The following PLCB1 variants were observed in gnomAD, a reference collection of about 807,000 sequenced individuals.
PLCB1 encodes 1-phosphatidylinositol 4,5-bisphosphate phosphodiesterase beta-1.
A neutral mutation model predicts 161.8 loss-of-function variants in PLCB1; 46 were observed. The ratio of observed to expected loss-of-function variants is 0.28; its 90% confidence interval spans 0.22 to 0.36. The LOEUF is 0.36. PLCB1 is among the 10% of genes least tolerant of loss of function. The pLI is 1.00. For synonymous variants in PLCB1, 517 were observed against 503.7 expected, an observed-to-expected ratio of 1.03 and a Z score of -0.35; for missense variants, 1,016 against 1,472.5, an observed-to-expected ratio of 0.69 and a Z score of 5.07.
intron 31 of PLCB1, among the ~76,000 whole-genome samples, chr20:8,871,231 G>C (rs1229197036): frequency 6.6e-6 from 1 of 152,178 alleles, no homozygotes; most frequent in Non-Finnish European, 1.5e-5. Flanking sequence ...ATTCAAAGTT[G>C]AGATTCATGT....
At chr20:8,633,312 G>T (rs1379091017) in intron 4 of PLCB1, among the ~76,000 whole-genome samples, 1 of 152,058 alleles carries the variant, frequency 6.6e-6, no homozygotes, top group Non-Finnish European at 1.5e-5. Context: ...ATAATTTTTT[G>T]TTTAGAAGTA....
intron 2 of PLCB1, among the ~76,000 whole-genome samples, chr20:8,183,204 C>T (rs760951610): frequency 6.6e-6 from 1 of 152,154 alleles, no homozygotes; most frequent in Non-Finnish European, 1.5e-5. Context: ...GGCTATCTTT[C>T]CTTCAGGGTT....
chr20:8,337,400 T>C (rs1985622166), intron 2 of PLCB1, among the ~76,000 whole-genome samples: 1 of 152,234 alleles, frequency 6.6e-6, no homozygotes, highest in East Asian at 1.9e-4. Context: ...CAAAATAAGA[T>C]GTCACCTTAT....
chr20:8,141,425 A>ACCAG (rs1389321802), intron 1 of PLCB1, among the ~76,000 whole-genome samples: 1 of 151,778 alleles, frequency 6.6e-6, no homozygotes, highest in Non-Finnish European at 1.5e-5. Context: ...GGAGTTCAAG[A>ACCAG]CCAGCCTGGC....
chr20:8,469,030 T>G (rs1484370690), intron 3 of PLCB1, among the ~76,000 whole-genome samples: 1 of 152,146 alleles, frequency 6.6e-6, no homozygotes, highest in Non-Finnish European at 1.5e-5. Context: ...AGGTGGGTCC[T>G]GAGATTGCTG....
chr20:8,367,430 CTG>C (rs1158665915), intron 2 of PLCB1, among the ~76,000 whole-genome samples: 3 of 152,138 alleles, frequency 2.0e-5, no homozygotes, highest in Non-Finnish European at 4.4e-5. Context: ...CGGAGCAAAT[CTG>C]TATTTTACTA....
intron 2 of PLCB1, among the ~76,000 whole-genome samples, chr20:8,222,470 T>C (rs1167361113): frequency 6.6e-6 from 1 of 152,182 alleles, no homozygotes; most frequent in East Asian, 1.9e-4. Context: ...GTCTAAGTAA[T>C]ATTTTGTATT....
intron 2 of PLCB1, among the ~76,000 whole-genome samples, chr20:8,355,897 A>AAT (rs971488084): frequency 2.9e-4 from 44 of 152,334 alleles, no homozygotes; most frequent in Admixed American, 2.7e-3. Context: ...GGATTAAAGT[A>AAT]ATATTAAAGA....
At chr20:8,303,530 A>T (rs1983999578) in intron 2 of PLCB1, among the ~76,000 whole-genome samples, 1 of 152,170 alleles carries the variant, frequency 6.6e-6, no homozygotes, top group African/African-American at 2.4e-5. Flanking sequence ...TTTTTTGTAC[A>T]TAGAGCATTA....
At chr20:8,154,086 G>C (rs1018145197) in intron 2 of PLCB1, among the ~76,000 whole-genome samples, 2 of 152,058 alleles carry the variant, frequency 1.3e-5, no homozygotes, top group African/African-American at 4.8e-5. Flanking sequence ...TTGTGCATGT[G>C]TAACTATGGA....
chr20:8,232,225 AAGAG>A (rs35927160), intron 2 of PLCB1, among the ~76,000 whole-genome samples: 15,671 of 148,402 alleles, frequency 0.11, 1,551 homozygotes, highest in East Asian at 0.53. Flanking sequence ...CTCTTTAAAA[AAGAG>A]AGAGAGAGAG....
At chr20:8,370,925 G>A (rs547780412) in intron 2 of PLCB1, among the ~76,000 whole-genome samples, 1 of 152,304 alleles carries the variant, frequency 6.6e-6, no homozygotes, top group South Asian at 2.1e-4. Context: ...AAGGCTGGGG[G>A]CTGTCAGAGG....
At chr20:8,562,053 G>A (rs1171044612) in intron 3 of PLCB1, among the ~76,000 whole-genome samples, 1 of 151,932 alleles carries the variant, frequency 6.6e-6, no homozygotes, top group Non-Finnish European at 1.5e-5. Context: ...ATAGAGAAGA[G>A]CAAACGGTCT....
chr20:8,401,798 T>C (rs1233844906), intron 3 of PLCB1, among the ~76,000 whole-genome samples: 2 of 152,216 alleles, frequency 1.3e-5, no homozygotes, highest in Non-Finnish European at 2.9e-5. Flanking sequence ...CTTCTGCTTA[T>C]TGACCATGTC....
At chr20:8,453,937 C>G (rs1981182628) in intron 3 of PLCB1, among the ~76,000 whole-genome samples, 1 of 152,140 alleles carries the variant, frequency 6.6e-6, no homozygotes, top group African/African-American at 2.4e-5. Flanking sequence ...AGGGTGGGCT[C>G]TGATCCCATG....
At chr20:8,193,936 A>G (rs75836801) in intron 2 of PLCB1, among the ~76,000 whole-genome samples, 2,809 of 152,006 alleles carry the variant, frequency 0.018, 65 homozygotes, top group African/African-American at 0.061. Flanking sequence ...TCTTTCCAAT[A>G]TAGATGTGAT....
chr20:8,735,529 C>A (rs1017691879), intron 19 of PLCB1, among the ~76,000 whole-genome samples: 42 of 152,270 alleles, frequency 2.8e-4, no homozygotes, highest in African/African-American at 1.0e-3. Context: ...CATCTTCTGG[C>A]ATAGATTTTA....
intron 10 of PLCB1, among the ~76,000 whole-genome samples, chr20:8,695,257 G>A (rs983504689): frequency 6.6e-6 from 1 of 152,164 alleles, no homozygotes; most frequent in African/African-American, 2.4e-5. Context: ...TGGTGGTTGA[G>A]TATTATGACA....
chr20:8,649,575 T>C (rs1980023280), intron 7 of PLCB1, 126 bp downstream of exon 7: 3 of 677,032 alleles, frequency 4.4e-6, no homozygotes, highest in Non-Finnish European at 8.1e-6. Flanking sequence ...GCTTCCATGA[T>C]TAATGGGTTA....
Sources: allele counts gnomAD v4.1 joint callset (sites outside exome capture counted in the v4.1 genomes callset), GRCh38; gene constraint gnomAD v4.1.1; transcripts MANE v1.5; gene names NCBI Gene and HGNC (gene_info 2026-07-23, HGNC 2026-07-21).